ADGRL3: variants seen among roughly 807,000 people sequenced by gnomAD.
The protein encoded by ADGRL3 is calcium-independent alpha-latrotoxin receptor 3.
In ADGRL3, 62 loss-of-function variants were observed where a neutral mutation model predicts 153.5. The ratio of observed to expected loss-of-function variants is 0.40; its 90% CI spans 0.33 to 0.50. The LOEUF is 0.50. Ranked by LOEUF, ADGRL3 falls within the 20% of genes least tolerant of loss-of-function variation. The pLI, the probability that ADGRL3 is intolerant of heterozygous loss-of-function variation, is 0.47. For synonymous variants in ADGRL3, 710 were observed against 672.5 expected, an observed-to-expected ratio of 1.06 and a Z score of -0.86; for missense variants, 1,641 against 1,859.4, an observed-to-expected ratio of 0.88 and a Z score of 2.16.
chr4:61,419,657 T>G (rs2097180103), intron 2 of ADGRL3, among the ~76,000 whole-genome samples: 1 of 152,206 alleles, frequency 6.6e-6, no homozygotes, highest in Non-Finnish European at 1.5e-5. Flanking sequence ...TCATCAACAT[T>G]ACAGTGAAAG....
chr4:61,578,700 G>A lies in ADGRL3; in HGVS notation c.260-8527G>A, dbSNP rs527673309. Among the ~76,000 whole-genome samples the A allele has an allele frequency of 5.9e-5, 9 of 151,966 alleles. No individual in the cohort carries two copies. In the South Asian group the frequency reaches 1.7e-3, roughly 28 times the overall value. ...TGAAGTATTTTACTATCCCCTCTCC[G>A]ATATCCATACATATTGTTTCATCTT... On this transcript the variant is annotated intron_variant, in intron 4 of 26. Transcript: ENST00000683033.
chr4:61,590,259 T>C (rs1038945350), intron 5 of ADGRL3, among the ~76,000 whole-genome samples: 2 of 152,170 alleles, frequency 1.3e-5, no homozygotes, highest in African/African-American at 2.4e-5. Flanking sequence ...AAACCAACTT[T>C]GGATATATAA....
At chr4:61,839,540 G>A (rs1317842270) in intron 9 of ADGRL3, among the ~76,000 whole-genome samples, 2 of 151,820 alleles carry the variant, frequency 1.3e-5, no homozygotes, top group African/African-American at 4.8e-5. Flanking sequence ...ACTTATGGTA[G>A]TTTTTTGTTG....
At chr4:62,062,724 G>C (rs1740870301) in intron 25 of ADGRL3, among the ~76,000 whole-genome samples, 2 of 152,122 alleles carry the variant, frequency 1.3e-5, no homozygotes, top group South Asian at 4.1e-4. Flanking sequence ...ATTTAACATT[G>C]TTTCATTGCT....
intron 9 of ADGRL3, among the ~76,000 whole-genome samples, chr4:61,869,365 G>T (rs547242205): frequency 2.9e-4 from 44 of 152,010 alleles, no homozygotes; most frequent in African/African-American, 1.1e-3. Flanking sequence ...TTGGGAGGCC[G>T]AGGCGGGTGG....
At chr4:61,492,186 C>T (rs2098266134) in intron 2 of ADGRL3, among the ~76,000 whole-genome samples, 1 of 151,780 alleles carries the variant, frequency 6.6e-6, no homozygotes, top group Admixed American at 6.6e-5. Context: ...ACATTGGCCT[C>T]CAAAAAGTAT....
intron 13 of ADGRL3, among the ~76,000 whole-genome samples, chr4:61,915,163 A>G (rs1446170051): frequency 8.6e-5 from 13 of 151,168 alleles, no homozygotes; most frequent in Admixed American, 6.0e-4. Context: ...AAAATAATGA[A>G]TCTTTTTGTA....
rs138010072 is a variant in ADGRL3 at position 61,861,771 on chromosome 4, G to A, written c.1481-30885G>A. 3.4e-3 allele frequency among the ~76,000 whole-genome samples: 523 copies of A among 152,184 alleles called. 5 individuals carry two copies. Among genetic ancestry groups the A allele is most frequent in the African/African-American group, 0.012 (493 of 41,538 alleles). ...AGCCAAGAAGATTTGAAGATTGGAG[G>A]TGACTTCGGTGAATGGAATGGAGTC... On this transcript the variant is annotated intron_variant, in intron 9 of 26. Coordinates refer to ENST00000683033, the MANE Select transcript of ADGRL3 (RefSeq NM_001387552.1).
intron 1 of ADGRL3, among the ~76,000 whole-genome samples, chr4:61,308,001 G>A (rs1210130120): frequency 6.6e-6 from 1 of 152,092 alleles, no homozygotes; most frequent in Non-Finnish European, 1.5e-5. Flanking sequence ...CCCTAAAATG[G>A]TCTCGCCTGC....
intron 1 of ADGRL3, among the ~76,000 whole-genome samples, chr4:61,315,893 T>G (rs2095193214): frequency 6.6e-6 from 1 of 152,176 alleles, no homozygotes; most frequent in South Asian, 2.1e-4. Context: ...ATTTATCATG[T>G]AAAAATACAG....
chr4:61,784,186 A>G (rs2097250632), intron 8 of ADGRL3, among the ~76,000 whole-genome samples: 1 of 152,156 alleles, frequency 6.6e-6, no homozygotes, highest in African/African-American at 2.4e-5. Context: ...TAGATGACAG[A>G]TTATTTAGAA....
At chr4:61,987,335 G>A (rs890721484) in intron 19 of ADGRL3, among the ~76,000 whole-genome samples, 15 of 151,552 alleles carry the variant, frequency 9.9e-5, no homozygotes, top group South Asian at 4.2e-4. Flanking sequence ...CACCACGCCC[G>A]TCTAATTTTG....
chr4:61,653,559 C>T (rs1388404151), intron 5 of ADGRL3, among the ~76,000 whole-genome samples: 5 of 152,100 alleles, frequency 3.3e-5, no homozygotes, highest in African/African-American at 4.8e-5. Context: ...TTGGGTATCT[C>T]TTCATTTGAG....
At chr4:61,343,657 G>T (rs555232316) in intron 1 of ADGRL3, among the ~76,000 whole-genome samples, 1 of 152,256 alleles carries the variant, frequency 6.6e-6, no homozygotes, top group South Asian at 2.1e-4. Context: ...TGAAAAAAAA[G>T]TTCCACAGTC....
intron 4 of ADGRL3, among the ~76,000 whole-genome samples, chr4:61,556,141 G>A (rs1410980138): frequency 6.6e-6 from 1 of 152,166 alleles, no homozygotes; most frequent in African/African-American, 2.4e-5. Flanking sequence ...GAGAATAGAA[G>A]TATGAAAATA....
chr4:61,568,947 A>T (rs2098827499), intron 4 of ADGRL3, among the ~76,000 whole-genome samples: 1 of 152,132 alleles, frequency 6.6e-6, no homozygotes, highest in Admixed American at 6.6e-5. Flanking sequence ...TGGTTGCATA[A>T]TGAAGTCAGT....
At chr4:61,491,016 A>G (rs1466738808) in intron 2 of ADGRL3, among the ~76,000 whole-genome samples, 2 of 152,132 alleles carry the variant, frequency 1.3e-5, no homozygotes, top group African/African-American at 2.4e-5. Flanking sequence ...CTTTTGCCCA[A>G]TGATGATCAT....
intron 1 of ADGRL3, among the ~76,000 whole-genome samples, chr4:61,362,608 A>T (rs1676419135): frequency 6.6e-6 from 1 of 152,184 alleles, no homozygotes; most frequent in Non-Finnish European, 1.5e-5. Flanking sequence ...GTTATTAAGA[A>T]AATCATATGA....
At chr4:61,641,944 A>C (rs1181919400) in intron 5 of ADGRL3, among the ~76,000 whole-genome samples, 3 of 148,606 alleles carry the variant, frequency 2.0e-5, no homozygotes, top group African/African-American at 5.0e-5. Flanking sequence ...CCTCTCCAGC[A>C]CCTGTTGTTT....
Sources: allele counts gnomAD v4.1 joint callset (sites outside exome capture counted in the v4.1 genomes callset), GRCh38; gene constraint gnomAD v4.1.1; transcripts MANE v1.5; gene names NCBI Gene and HGNC (gene_info 2026-07-23, HGNC 2026-07-21).